The following GLIS3 variants were observed in gnomAD, a reference collection of about 807,000 sequenced individuals.
GLIS3 encodes the protein zinc finger protein GLIS3.
A neutral mutation model predicts 78.6 loss-of-function variants in GLIS3; 53 were observed. That is an observed-to-expected ratio of 0.67 (90% CI 0.54 to 0.85). GLIS3 has a LOEUF of 0.85. Among genes scored for constraint, GLIS3 ranks in the 40% least tolerant of loss-of-function variants. The pLI, the probability that GLIS3 is intolerant of heterozygous loss-of-function variation, is 0.00. For missense variants in GLIS3, 1,703 were observed against 1,231.1 expected (o/e 1.38, Z -5.74); for synonymous variants, 684 against 509.9 (o/e 1.34, Z -4.60).
At chr9:4,017,681 G>T (rs955779112) in intron 4 of GLIS3, among the ~76,000 whole-genome samples, 5 of 152,180 alleles carry the variant, frequency 3.3e-5, no homozygotes, top group African/African-American at 1.2e-4. Flanking sequence ...GACAAAGATA[G>T]AACCCAGGAT....
the GLIS3 span, among the ~76,000 whole-genome samples, chr9:4,405,588 T>C: frequency 1.2e-3 from 175 of 151,858 alleles, no homozygotes; most frequent in Middle Eastern, 3.4e-3. Context: ...TAATAAAAAG[T>C]CTCCTAGTAA....
chr9:4,297,849 C>T (rs1442672443), intron 1 of GLIS3, among the ~76,000 whole-genome samples: 2 of 152,140 alleles, frequency 1.3e-5, no homozygotes, highest in Non-Finnish European at 2.9e-5. Context: ...GGGAGAGGCG[C>T]GTAGGACAAG....
the GLIS3 span, among the ~76,000 whole-genome samples, chr9:4,372,437 T>G: frequency 2.0e-5 from 3 of 151,994 alleles, no homozygotes; most frequent in Non-Finnish European, 2.9e-5. Context: ...TCAACTTGCC[T>G]GTAAGCATGT....
At chr9:4,355,859 TA>T in the GLIS3 span, among the ~76,000 whole-genome samples, 3 of 152,172 alleles carry the variant, frequency 2.0e-5, no homozygotes, top group Non-Finnish European at 4.4e-5. Context: ...GCTTTCTAAC[TA>T]GAAAGGGGCA....
At chr9:4,488,126 T>TGG in the GLIS3 span, among the ~76,000 whole-genome samples, 46 of 151,828 alleles carry the variant, frequency 3.0e-4, no homozygotes, top group East Asian at 1.9e-3. Context: ...GTTGGTCGGT[T>TGG]TAGTTTTTGT....
intron 4 of GLIS3, among the ~76,000 whole-genome samples, chr9:4,097,017 A>C (rs1830005511): frequency 6.6e-6 from 1 of 152,166 alleles, no homozygotes; most frequent in South Asian, 2.1e-4. Flanking sequence ...GTCTCAAATA[A>C]ATAAATAAAC....
At chr9:4,471,710 A>G in the GLIS3 span, among the ~76,000 whole-genome samples, 1 of 152,198 alleles carries the variant, frequency 6.6e-6, no homozygotes, top group Non-Finnish European at 1.5e-5. Context: ...GGACTTCATG[A>G]CTAAAACACC....
chr9:4,108,278 C>CAGATT (rs1314002028), intron 4 of GLIS3, among the ~76,000 whole-genome samples: 1 of 152,142 alleles, frequency 6.6e-6, no homozygotes, highest in East Asian at 1.9e-4. Flanking sequence ...CACACTGAAT[C>CAGATT]TTTTCTCAGC....
At chr9:4,195,730 G>C (rs1343355997) in intron 2 of GLIS3, among the ~76,000 whole-genome samples, 1 of 152,262 alleles carries the variant, frequency 6.6e-6, no homozygotes, top group Non-Finnish European at 1.5e-5. Context: ...GGCGAAGCCA[G>C]CTGGGCTCCT....
intron 4 of GLIS3, among the ~76,000 whole-genome samples, chr9:3,938,618 A>G (rs1290902247): frequency 1.3e-5 from 2 of 152,212 alleles, no homozygotes; most frequent in Non-Finnish European, 2.9e-5. Context: ...AATTTATGAA[A>G]GTTGCACTTA....
intron 4 of GLIS3, among the ~76,000 whole-genome samples, chr9:4,000,715 T>G (rs1306033483): frequency 6.6e-6 from 1 of 152,190 alleles, no homozygotes; most frequent in African/African-American, 2.4e-5. Context: ...CAGTTACCTT[T>G]GCAGCTTCCT....
At chr9:3,879,958 C>G (rs1224738943) in intron 7 of GLIS3, among the ~76,000 whole-genome samples, 1 of 152,110 alleles carries the variant, frequency 6.6e-6, no homozygotes, top group Non-Finnish European at 1.5e-5. Flanking sequence ...AGTCAGGTAA[C>G]AGAATATTTG....
chr9:4,066,316 G>C (rs1746014502), intron 4 of GLIS3, among the ~76,000 whole-genome samples: 1 of 152,150 alleles, frequency 6.6e-6, no homozygotes, highest in African/African-American at 2.4e-5. Flanking sequence ...GAAGCATCCA[G>C]GCAGGGAGGC....
chr9:4,288,862 C>G (rs1053850496), intron 1 of GLIS3, among the ~76,000 whole-genome samples: 1 of 151,904 alleles, frequency 6.6e-6, no homozygotes, highest in South Asian at 2.1e-4. Context: ...GCAAAACCAG[C>G]CTCAAGACAA....
chr9:4,422,175 C>A, the GLIS3 span, among the ~76,000 whole-genome samples: 1 of 152,204 alleles, frequency 6.6e-6, no homozygotes, highest in African/African-American at 2.4e-5. Context: ...GTAACCATAT[C>A]ATAAATTTGT....
upstream of GLIS3, among the ~76,000 whole-genome samples, chr9:4,349,059 G>A (rs1377306622): frequency 1.3e-5 from 2 of 152,106 alleles, no homozygotes; most frequent in Non-Finnish European, 2.9e-5. Flanking sequence ...AAAATAATAG[G>A]AGAATGCAAC....
At chr9:4,200,315 TG>T (rs1819255588) in intron 2 of GLIS3, among the ~76,000 whole-genome samples, 3 of 149,336 alleles carry the variant, frequency 2.0e-5, no homozygotes, top group Admixed American at 1.3e-4. Flanking sequence ...AGAGCAGAAC[TG>T]AAAAAAAAAA....
At chr9:4,317,999 G>C (rs151323408) in intron 2 of GLIS3, among the ~76,000 whole-genome samples, 3 of 152,318 alleles carry the variant, frequency 2.0e-5, no homozygotes, top group Non-Finnish European at 2.9e-5. Context: ...GATAGACTTA[G>C]AAAGAACATG....
chr9:4,409,959 A>G, the GLIS3 span, among the ~76,000 whole-genome samples: 6 of 152,056 alleles, frequency 3.9e-5, no homozygotes, highest in Non-Finnish European at 7.4e-5. Context: ...TTTAAAAACT[A>G]GGTTTTGGGA....
Sources: gnomAD v4.1 joint callset for allele counts (sites outside exome capture counted in the v4.1 genomes callset) on GRCh38, gnomAD v4.1.1 for gene constraint, MANE v1.5 for transcripts, NCBI Gene and HGNC (gene_info 2026-07-23, HGNC 2026-07-21) for gene names.